Variants in NANOG observed in about 807,000 individuals in gnomAD.
The protein encoded by NANOG is homeobox protein NANOG.
In NANOG, 2 loss-of-function variants were observed where a neutral mutation model predicts 17.7. The ratio of observed to expected loss-of-function variants is 0.11; its 90% confidence interval spans 0.05 to 0.36. The LOEUF is 0.36. NANOG is among the 10% of genes least tolerant of loss of function. The probability of loss-of-function intolerance (pLI) is 1.00; values close to 1 mark genes in which losing one functional copy is unlikely to be tolerated. For synonymous variants in NANOG, 81 were observed against 124.7 expected (o/e 0.65, Z 2.33); for missense variants, 174 against 362.1 (o/e 0.48, Z 4.22).
intron 1 of NANOG, among the ~76,000 whole-genome samples, chr12:7,792,382 G>C (rs1268270775): frequency 6.6e-6 from 1 of 152,148 alleles, no homozygotes; most frequent in African/African-American, 2.4e-5. Context: ...AGGTGGTAGC[G>C]CCGGCCTGAT....
chr12:7,790,525 T>G (rs1862825284), intron 1 of NANOG, among the ~76,000 whole-genome samples: 1 of 152,196 alleles, frequency 6.6e-6, no homozygotes, highest in African/African-American at 2.4e-5. Flanking sequence ...CTCGGGATAC[T>G]CATAAAGCCG....
chr12:7,793,019 G>A lies in NANOG; in HGVS notation c.221G>A (p.Gly74Asp), dbSNP rs1426137899. ...DSPDSSTSPK[G>D]KQPTSAEKSV... ...CCTGATTCTTCCACCAGTCCCAAAG[G>A]CAAACAACCCACTTCTGCAGAGAAG... The change falls in exon 2 of 4, where the codon GGC becomes GAC. Residue 74 changes from glycine (G) to aspartate (D), a missense_variant. Physicochemically the swap from Gly to Asp is moderately conservative, Grantham distance 94. Around this residue, in one of 2 missense-constraint regions of NANOG, gnomAD observed 158 missense variants for 244.2 expected, o/e 0.65. Coordinates refer to ENST00000229307, the MANE Select transcript of NANOG (RefSeq NM_024865.4). The A allele has an allele frequency of 6.2e-7, 1 of 1,608,664 alleles. No homozygotes were observed. Among genetic ancestry groups the A allele is most frequent in the Non-Finnish European group, 8.5e-7 (1 of 1,176,824 alleles).
At chr12:7,794,111 G>GT (rs1424662325) in intron 2 of NANOG, among the ~76,000 whole-genome samples, 3 of 151,966 alleles carry the variant, frequency 2.0e-5, no homozygotes, top group Non-Finnish European at 4.4e-5. Context: ...TGGTTCTGTT[G>GT]TCACGCAGCT....
In NANOG at chr12:7,797,304, A is replaced by C. The variant is rs12826467; in HGVS notation, c.*2209A>C. 0.68 allele frequency: 98,877 copies of C among 144,932 alleles called. 35,178 individuals carry two copies. The highest frequency in any genetic ancestry group is 0.8 in the Non-Finnish European group (53,886 of 67,304). 9.0% of individuals were successfully genotyped at this position (144,932 alleles called of 1,614,324 possible). On this transcript the variant is annotated 3_prime_UTR_variant, in exon 4 of 4. Transcript: ENST00000229307. Reference sequence around the variant, plus strand: ...CTCCTGACCTCAGGTGATCCACCTGACTCGGCCTCCCAAAGTGGTGGGATT... The same window carrying C: ...CTCCTGACCTCAGGTGATCCACCTGCCTCGGCCTCCCAAAGTGGTGGGATT...
rs1299224058 is a variant in NANOG, at chr12:7,796,795, T to TA, written c.*1701dup. 1 of 22,376 alleles carries TA rather than the reference T, an allele frequency of 4.5e-5. No individual in the cohort carries two copies. The highest frequency in any genetic ancestry group is 3.3e-4 in the Non-Finnish European group (1 of 3,054). 1.4% of individuals were successfully genotyped at this position (22,376 alleles called of 1,614,324 possible). Reference sequence around the variant, plus strand: ...TTGTTTTTTTTTAAGACTGGAGTCTTACTCTGTTGCCCAGGCTGGAGTGTA... The same window carrying TA: ...TTGTTTTTTTTTAAGACTGGAGTCTTAACTCTGTTGCCCAGGCTGGAGTGTA... On this transcript the variant is annotated 3_prime_UTR_variant, in exon 4 of 4. Coordinates refer to ENST00000229307, the MANE Select transcript of NANOG (RefSeq NM_024865.4).
chr12:7,791,135 G>A (rs1325320990), intron 1 of NANOG, among the ~76,000 whole-genome samples: 1 of 148,954 alleles, frequency 6.7e-6, no homozygotes, highest in Non-Finnish European at 1.5e-5. Context: ...TTGAGACAGG[G>A]TCTCATTCTG....
chr12:7,789,688 T>C lies in NANOG; in HGVS notation c.74T>C (p.Met25Thr), dbSNP rs138784058. Residue 25 changes from methionine to threonine, a missense_variant, in exon 1 of 4, where the codon ATG becomes ACG. Around this residue, in one of 2 missense-constraint regions of NANOG, gnomAD observed 158 missense variants for 244.2 expected, o/e 0.65. Transcript: ENST00000229307. ...TCCGACTGTAAAGAATCTTCACCTA[T>C]GCCTGTGATTTGTGGGCCTGAAGAA... ...EASDCKESSPMPVICGPEENY... is the reference protein window; with the variant it reads ...EASDCKESSPTPVICGPEENY... 9 of 1,614,226 alleles carry C rather than the reference T, an allele frequency of 5.6e-6. No individual in the cohort carries two copies. The East Asian group carries it at 2.0e-4, about 36-fold the overall frequency.
rs1337473511 is a variant in NANOG at position 7,797,579 on chromosome 12, A to T, written c.*2484A>T. 1 of 151,454 alleles carries T rather than the reference A, an allele frequency of 6.6e-6. No individual in the cohort carries two copies. The highest frequency in any genetic ancestry group is 1.9e-4 in the East Asian group (1 of 5,154). 9.4% of individuals were successfully genotyped at this position (151,454 alleles called of 1,614,324 possible). On this transcript the variant is annotated 3_prime_UTR_variant, in exon 4 of 4. Coordinates refer to ENST00000229307, the MANE Select transcript of NANOG (RefSeq NM_024865.4). The stretch of plus-strand genomic sequence containing the variant: ...ACCGTATTGACCAGGCTGGTCTCGA[A>T]CTCCTGACCTCAGGTAATCCACCCT...
Position 7,789,529 on chromosome 12 carries a change from A to G in NANOG, c.-86A>G, listed in dbSNP as rs982076197. On this transcript the variant is annotated 5_prime_UTR_variant, in exon 1 of 4. Transcript: ENST00000229307. Reference sequence around the variant, plus strand: ...TCCTTCTGGAGGTCCTATTTCTCTAACATCTTCCAGAAAAGTCTTAAAGCT... The same window carrying G: ...TCCTTCTGGAGGTCCTATTTCTCTAGCATCTTCCAGAAAAGTCTTAAAGCT... 1.2e-5 allele frequency: 15 copies of G among 1,234,940 alleles called. No homozygotes were observed. Among genetic ancestry groups the G allele is most frequent in the African/African-American group, 1.2e-4 (8 of 66,334 alleles). The allele number at this position is 1,234,940 out of a possible 1,614,324, so 76.5% of individuals were successfully genotyped here. A position where few individuals can be genotyped will look rare whatever the true frequency, so the allele number is the denominator to read the frequency against.
chr12:7,796,953 G>A lies in NANOG; in HGVS notation c.*1858G>A, dbSNP rs957115694. On this transcript the variant is annotated 3_prime_UTR_variant, in exon 4 of 4. Coordinates refer to ENST00000229307, the MANE Select transcript of NANOG (RefSeq NM_024865.4). ...CTAATTGTATTTTTAGTAGAGACAG[G>A]GTTTCACTATGTTGGCCAGGCTGGT... 6.6e-6 allele frequency: 1 copy of A among 151,976 alleles called. No homozygotes were observed. Among genetic ancestry groups the A allele is most frequent in the Admixed American group, 6.6e-5 (1 of 15,210 alleles). 9.4% of individuals were successfully genotyped at this position (151,976 alleles called of 1,614,324 possible).
At position 7,790,648 on chromosome 12, in the gene NANOG, C is replaced by T. The variant is rs75503716; in HGVS notation, c.151+883C>T. Among the ~76,000 whole-genome samples, 296 of 152,244 alleles carry T rather than the reference C, an allele frequency of 1.9e-3. 1 individual carries two copies. The highest frequency in any genetic ancestry group is 6.8e-3 in the African/African-American group (283 of 41,534). ...GAACGCTGTAAAATAGCTTAAAAAG[C>T]GCATTTACATTATGACTACAGTTGT... On this transcript the variant is annotated intron_variant, in intron 1 of 3. Transcript: ENST00000229307.
chr12:7,791,345 A>T (rs1862838136), intron 1 of NANOG, among the ~76,000 whole-genome samples: 1 of 152,016 alleles, frequency 6.6e-6, no homozygotes, highest in Non-Finnish European at 1.5e-5. Flanking sequence ...TCCTGACCTC[A>T]AGTGATTCAC....
rs1268055826 is a variant in NANOG, at chr12:7,798,017, GGTAAGA to G, written c.*2923_*2928del. The G allele has an allele frequency of 2.0e-5, 3 of 151,846 alleles. No homozygotes were observed. Among genetic ancestry groups the G allele is most frequent in the Non-Finnish European group, 4.4e-5 (3 of 67,986 alleles). The allele number at this position is 151,846 out of a possible 1,614,324, so 9.4% of individuals were successfully genotyped here. A position where few individuals can be genotyped will look rare whatever the true frequency, so the allele number is the denominator to read the frequency against. On this transcript the variant is annotated 3_prime_UTR_variant, in exon 4 of 4. Coordinates refer to ENST00000229307, the MANE Select transcript of NANOG (RefSeq NM_024865.4). ...AGTATTAATCTTCAACCTCTTGGCA[GGTAAGA>G]ATTTAGAGATCTATTTGGAATAATC...
At chr12:7,792,172 G>A (rs1361973976) in intron 1 of NANOG, among the ~76,000 whole-genome samples, 1 of 152,184 alleles carries the variant, frequency 6.6e-6, no homozygotes, top group Non-Finnish European at 1.5e-5. Context: ...TGGGATTACA[G>A]GCATGAGCCA....
At chr12:7,791,373 C>T (rs1303857721) in intron 1 of NANOG, among the ~76,000 whole-genome samples, 1 of 152,014 alleles carries the variant, frequency 6.6e-6, no homozygotes, top group Admixed American at 6.6e-5. Flanking sequence ...GGCTGGGCAC[C>T]GCGCCTGGCC....
chr12:7,789,808 G>A lies in NANOG; in HGVS notation c.151+43G>A. The A allele has an allele frequency of 1.9e-6, 3 of 1,590,268 alleles. No homozygotes were observed. In the South Asian group the frequency reaches 3.3e-5, roughly 18 times the overall value. On this transcript the variant is annotated intron_variant, in intron 1 of 3. Coordinates refer to ENST00000229307, the MANE Select transcript of NANOG (RefSeq NM_024865.4). Reference sequence around the variant, plus strand: ...CCTTGAAAGGCCAAGTTCCTTAAGGGAAAAGAGAGAAGGAGAGAGGGTTAA... The same window carrying A: ...CCTTGAAAGGCCAAGTTCCTTAAGGAAAAAGAGAGAAGGAGAGAGGGTTAA...
At chr12:7,791,025 G>T (rs764080661) in intron 1 of NANOG, among the ~76,000 whole-genome samples, 1 of 151,710 alleles carries the variant, frequency 6.6e-6, no homozygotes, top group African/African-American at 2.4e-5. Flanking sequence ...GATTACAGGC[G>T]CTGACCCACT....
intron 2 of NANOG, 80 bp downstream of exon 2, chr12:7,793,292 A>C (rs1179142622): frequency 1.5e-6 from 2 of 1,368,468 alleles, no homozygotes. Context: ...GGATGCATGT[A>C]GATGTGTGTA....
rs1862957137 is a variant in NANOG at position 7,798,356 on chromosome 12, G to A, written c.*3261G>A. ...ACCCCACTCCAGCCTGGGCGACAGA[G>A]CGTCACTGTCTCAAAAATAAACAAA... On this transcript the variant is annotated 3_prime_UTR_variant, in exon 4 of 4. Coordinates refer to ENST00000229307, the MANE Select transcript of NANOG (RefSeq NM_024865.4). The A allele has an allele frequency of 6.6e-6, 1 of 152,190 alleles. No individual in the cohort carries two copies. Among genetic ancestry groups the A allele is most frequent in the African/African-American group, 2.4e-5 (1 of 41,452 alleles). 9.4% of individuals were successfully genotyped at this position (152,190 alleles called of 1,614,324 possible).
Sources: allele counts gnomAD v4.1 joint callset (sites outside exome capture counted in the v4.1 genomes callset), GRCh38; gene constraint gnomAD v4.1.1; regional missense constraint gnomAD v4.1.1; transcripts MANE v1.5; gene names NCBI Gene and HGNC (gene_info 2026-07-23, HGNC 2026-07-21).